The following IGSF9 variants were observed in gnomAD, a reference collection of about 807,000 sequenced individuals.
The protein encoded by IGSF9 is immunoglobulin superfamily member 9, also known as protein turtle homolog A.
A neutral mutation model predicts 121.7 loss-of-function variants in IGSF9; 87 were observed. The observed-to-expected ratio is 0.71, with a 90% CI of 0.60 to 0.85. The LOEUF (loss-of-function observed/expected upper bound fraction) is 0.85. Ranked by LOEUF, IGSF9 falls within the 40% of genes least tolerant of loss-of-function variation. The pLI is 0.00. For missense variants in IGSF9, 1,462 were observed against 1,565.3 expected, an observed-to-expected ratio of 0.93 and a Z score of 1.11; for synonymous variants, 640 against 648.4, an observed-to-expected ratio of 0.99 and a Z score of 0.20.
intron 17 of IGSF9, 118 bp downstream of exon 17, chr1:159,929,520 A>G: frequency 3.4e-6 from 5 of 1,478,734 alleles, no homozygotes; most frequent in Middle Eastern, 1.9e-4. Flanking sequence ...GACCAGATGC[A>G]GGACTAAGAG....
In IGSF9 at chr1:159,932,488, GCCCCCGCCCA is replaced by G; in HGVS notation, c.1245+14_1245+23del. On this transcript the variant is annotated intron_variant, in intron 10 of 20. Coordinates refer to ENST00000368094, the MANE Select transcript of IGSF9 (RefSeq NM_001135050.2). This position sits in a 1 kb window ranked among gnomAD's most constrained non-coding sequence, Gnocchi z 4.1. ...GCCATCTGACCCACTGTCACCACAG[GCCCCCGCCCA>G]CCCCCGGCCTAACCTTGAGCAGCAC... 1 of 1,612,418 alleles carries G rather than the reference GCCCCCGCCCA, an allele frequency of 6.2e-7. No individual in the cohort carries two copies. Among genetic ancestry groups the G allele is most frequent in the Non-Finnish European group, 8.5e-7 (1 of 1,179,224 alleles).
intron 15 of IGSF9, 91 bp from the exon 16 acceptor site, chr1:159,930,066 A>AGGGTGAGGTAGGAC: frequency 6.5e-7 from 1 of 1,549,888 alleles, no homozygotes; most frequent in South Asian, 1.2e-5. Flanking sequence ...GTGGGACGGA[A>AGGGTGAGGTAGGAC]GGGTGAGGTA....
At chr1:159,930,027 A>T (rs946991636) in intron 15 of IGSF9, 52 bp from the exon 16 acceptor site, 34 of 1,578,070 alleles carry the variant, frequency 2.2e-5, no homozygotes, top group Non-Finnish European at 2.9e-5. Flanking sequence ...GCACCGCCCA[A>T]CCCAGCGGGG....
rs755519790 is a variant in IGSF9 at position 159,931,880 on chromosome 1, C to T, written c.1294G>A (p.Val432Ile). The change falls in exon 11 of 21, where the codon GTA (valine) becomes ATA (isoleucine). Residue 432 changes from valine to isoleucine, a missense_variant. Transcript: ENST00000368094. This position sits in a 1 kb window ranked among gnomAD's most constrained non-coding sequence, Gnocchi z 4.8. ...ERPKEEYFQE[V>I]GRELLIPCSA... The stretch of plus-strand genomic sequence containing the variant: ...CAGGGGATGAGCAGCTCCCGCCCTA[C>T]TTCTTGGAAATATTCTTCCTTGGGC... 5.6e-6 allele frequency: 9 copies of T among 1,598,610 alleles called. No individual in the cohort carries two copies. Among genetic ancestry groups the T allele is most frequent in the East Asian group, 4.5e-5 (2 of 44,784 alleles).
Position 159,928,893 on chromosome 1 carries a change from T to G in IGSF9, c.2495A>C (p.Asp832Ala). The part of the protein sequence containing the change: ...DPAGTPSPHP[D>A]PPSSRGPLPL... The stretch of plus-strand genomic sequence containing the variant: ...TAAGGGTCCCCGGCTAGATGGAGGA[T>G]CCGGGTGGGGGCTGGGAGTTCCGGC... The change falls in exon 19 of 21, where the codon GAT becomes GCT. Residue 832 changes from aspartate (D) to alanine (A), a missense_variant. Physicochemically the swap from Asp to Ala is moderately radical, Grantham distance 126. Around this residue, in one of 3 missense-constraint regions of IGSF9, gnomAD observed 808 missense variants for 815.2 expected, o/e 0.99. Coordinates refer to ENST00000368094, the MANE Select transcript of IGSF9 (RefSeq NM_001135050.2). 1.3e-6 allele frequency: 2 copies of G among 1,595,008 alleles called. No homozygotes were observed. The highest frequency in any genetic ancestry group is 1.7e-6 in the Non-Finnish European group (2 of 1,171,374).
At position 159,930,884 on chromosome 1, in the gene IGSF9, C is replaced by T. The variant is rs769656258; in HGVS notation, c.1638-17G>A. The T allele has an allele frequency of 5.0e-6, 8 of 1,584,660 alleles. No homozygotes were observed. The South Asian group carries it at 9.1e-5, about 18-fold the overall frequency. ...CGCTTGGCCCTGGGAGACATGAGGA[C>T]ATGGGGGGCACCTCGTGAGCTAGGA... On this transcript the variant is annotated splice_polypyrimidine_tract_variant and intron_variant, in intron 13 of 20. Coordinates refer to ENST00000368094, the MANE Select transcript of IGSF9 (RefSeq NM_001135050.2).
rs1459380008 is a variant in IGSF9 at position 159,934,413 on chromosome 1, G to A, written c.961+12C>T. On this transcript the variant is annotated intron_variant, in intron 8 of 20. Transcript: ENST00000368094. ...GGGAGCAGGCTGAGGGAGAAGCTGG[G>A]GTCAGGCTTACAGAGCACAGTGAGG... The A allele has an allele frequency of 1.8e-5, 29 of 1,573,684 alleles. No individual in the cohort carries two copies. The highest frequency in any genetic ancestry group is 2.4e-5 in the Non-Finnish European group (28 of 1,159,302).
In IGSF9 at chr1:159,930,792, C is replaced by T. The variant is rs201379431; in HGVS notation, c.1713G>A (p.Val571=). 6.8e-6 allele frequency: 11 copies of T among 1,613,972 alleles called. No homozygotes were observed. The highest frequency in any genetic ancestry group is 4.5e-5 in the East Asian group (2 of 44,890). Residue 571 remains valine (V), a synonymous_variant, in exon 14 of 21, where the codon GTG becomes GTA. Coordinates refer to ENST00000368094, the MANE Select transcript of IGSF9 (RefSeq NM_001135050.2). ...ACTGGGTGTGGGGCTGCAGCCCTGG[C>T]ACTAGGAGGTGAGCAGCCCCCACAG... The part of the protein sequence containing the change: ...AVPVGAAHLL[V]PGLQPHTQYQ...
rs181771579 is a variant in IGSF9, at chr1:159,929,559, G to T, written c.2326+79C>A. On this transcript the variant is annotated intron_variant, in intron 17 of 20. Transcript: ENST00000368094. Reference sequence around the variant, plus strand: ...GCACCTGGATCACACAGGAGCGAGGGCTTTTCCCCCAGGTAGGAGGGGCTT... The same window carrying T: ...GCACCTGGATCACACAGGAGCGAGGTCTTTTCCCCCAGGTAGGAGGGGCTT... 9.3e-6 allele frequency: 14 copies of T among 1,504,966 alleles called. No individual in the cohort carries two copies. In the Admixed American group the frequency reaches 1.9e-4, roughly 20 times the overall value. 93.2% of individuals were successfully genotyped at this position (1,504,966 alleles called of 1,614,324 possible).
In IGSF9 at chr1:159,937,703, A is replaced by AC; in HGVS notation, c.382dup (p.Val128GlyfsTer85). ...CTTCATACAATTGACTGTCAGATGC[A>AC]CCCAGGAGCCGTTAGCAAAATCGTC... On this transcript the variant is annotated frameshift_variant, in exon 4 of 21. Coordinates refer to ENST00000368094, the MANE Select transcript of IGSF9 (RefSeq NM_001135050.2). LOFTEE classifies it high-confidence loss of function. 6.2e-7 allele frequency: 1 copy of AC among 1,613,560 alleles called. No homozygotes were observed.
Position 159,932,155 on chromosome 1 carries a change from T to C in IGSF9, c.1246-227A>G. On this transcript the variant is annotated intron_variant, in intron 10 of 20. Transcript: ENST00000368094. This position sits in a 1 kb window ranked among gnomAD's most constrained non-coding sequence, Gnocchi z 4.1. ...TAGGGGCTGGAGGAAAATGGTGGTG[T>C]AGTAAGGGCTGGCAGGCTTAGGCAG... is the stretch of plus-strand genomic sequence containing the variant. 1.8e-6 allele frequency: 1 copy of C among 566,036 alleles called. No homozygotes were observed. Among genetic ancestry groups the C allele is most frequent in the Non-Finnish European group, 3.1e-6 (1 of 321,350 alleles). The allele number at this position is 566,036 out of a possible 1,614,324, so 35.1% of individuals were successfully genotyped here.
rs1216413096 is a variant in IGSF9 at position 159,943,636 on chromosome 1, A to G, written c.-174-8T>C. Reference sequence around the variant, plus strand: ...TCCGGAGAACCACCAGATCTAAATGAAAAGTACAAGGCAACATGCAGAGTT... The same window carrying G: ...TCCGGAGAACCACCAGATCTAAATGGAAAGTACAAGGCAACATGCAGAGTT... On this transcript the variant is annotated splice_region_variant and splice_polypyrimidine_tract_variant and intron_variant, in intron 1 of 20. Coordinates refer to ENST00000368094, the MANE Select transcript of IGSF9 (RefSeq NM_001135050.2). 6 of 494,302 alleles carry G rather than the reference A, an allele frequency of 1.2e-5. No individual in the cohort carries two copies. The highest frequency in any genetic ancestry group is 1.0e-4 in the African/African-American group (5 of 50,150). 30.6% of individuals were successfully genotyped at this position (494,302 alleles called of 1,614,324 possible). A position where few individuals can be genotyped will look rare whatever the true frequency, so the allele number is the denominator to read the frequency against.
At position 159,928,722 on chromosome 1, in the gene IGSF9, C is replaced by T. The variant is rs1311739357; in HGVS notation, c.2666G>A (p.Ser889Asn). ...RLARSFDCSSSSPSGAPQPLC... is the reference protein window; with the variant it reads ...RLARSFDCSSNSPSGAPQPLC... The stretch of plus-strand genomic sequence containing the variant: ...GGGCTGGGGTGCCCCACTGGGGCTG[C>T]TGCTGCTACAGTCAAAGGACCGGGC... The change falls in exon 19 of 21, where the codon AGC becomes AAC. Residue 889 changes from serine to asparagine, a missense_variant. By Grantham distance (46) the Ser-to-Asn change is conservative (BLOSUM62 1). Coordinates refer to ENST00000368094, the MANE Select transcript of IGSF9 (RefSeq NM_001135050.2). 15 of 1,476,516 alleles carry T rather than the reference C, an allele frequency of 1.0e-5. No homozygotes were observed. Among genetic ancestry groups the T allele is most frequent in the Non-Finnish European group, 1.3e-5 (15 of 1,112,116 alleles). 91.5% of individuals were successfully genotyped at this position (1,476,516 alleles called of 1,614,324 possible).
chr1:159,935,688 C>T (rs61823220), intron 6 of IGSF9, among the ~76,000 whole-genome samples: 4 of 152,354 alleles, frequency 2.6e-5, no homozygotes, highest in East Asian at 1.9e-4. Context: ...TTTACCTGCA[C>T]GACCTCGTTT....
chr1:159,929,065 C>T (rs2101874124), intron 18 of IGSF9, 47 bp from the exon 19 acceptor site: 1 of 1,499,266 alleles, frequency 6.7e-7, no homozygotes, highest in Non-Finnish European at 8.9e-7. Context: ...GCAGGTCCCC[C>T]TCCCAGGAGC....
rs201430271 is a variant in IGSF9 at position 159,933,984 on chromosome 1, C to A, written c.1104+206G>T. 2.6e-3 allele frequency: 1,566 copies of A among 601,052 alleles called. 6 individuals carry two copies. The highest frequency in any genetic ancestry group is 8.2e-3 in the South Asian group (393 of 47,878). The allele number at this position is 601,052 out of a possible 1,614,324, so 37.2% of individuals were successfully genotyped here. On this transcript the variant is annotated intron_variant, in intron 9 of 20. Coordinates refer to ENST00000368094, the MANE Select transcript of IGSF9 (RefSeq NM_001135050.2). ...CTCTCTTCTTTCCCCAAAGAAGACACAAAACCACCACTTTAAACCATGGAA... is the reference window on the plus strand; with the variant it reads ...CTCTCTTCTTTCCCCAAAGAAGACAAAAAACCACCACTTTAAACCATGGAA...
chr1:159,929,225 C>G (rs1021779129), intron 18 of IGSF9, 126 bp downstream of exon 18: 1 of 1,365,900 alleles, frequency 7.3e-7, no homozygotes, highest in Non-Finnish European at 1.0e-6. Context: ...CCCTTCTTAC[C>G]CTCTCCCACT....
intron 3 of IGSF9, among the ~76,000 whole-genome samples, chr1:159,941,871 C>T (rs1025418801): frequency 1.3e-5 from 2 of 152,244 alleles, no homozygotes; most frequent in Non-Finnish European, 2.9e-5. Flanking sequence ...GACACATACA[C>T]TCCCACCAGG....
chr1:159,932,688 G>A lies in IGSF9; in HGVS notation c.1105-36C>T, dbSNP rs1333867469. The A allele has an allele frequency of 6.3e-7, 1 of 1,583,036 alleles. No individual in the cohort carries two copies. Reference sequence around the variant, plus strand: ...GAGAAGATGACAGCTAGAGAGAGGAGCTCAGCAGAGACAAGCCCGGGATGG... The same window carrying A: ...GAGAAGATGACAGCTAGAGAGAGGAACTCAGCAGAGACAAGCCCGGGATGG... On this transcript the variant is annotated intron_variant, in intron 9 of 20. Coordinates refer to ENST00000368094, the MANE Select transcript of IGSF9 (RefSeq NM_001135050.2). The surrounding 1 kb of genome is among the most constrained non-coding windows in gnomAD (Gnocchi z 4.1).
Sources: gnomAD v4.1 joint callset for allele counts (sites outside exome capture counted in the v4.1 genomes callset) on GRCh38, gnomAD v4.1.1 for gene constraint, gnomAD v4.1.1 regional missense constraint, Gnocchi (gnomAD v3.1) non-coding constraint, MANE v1.5 for transcripts, NCBI Gene and HGNC (gene_info 2026-07-23, HGNC 2026-07-21) for gene names.